The following CECR2 variants were observed in gnomAD, a reference collection of about 807,000 sequenced individuals.
CECR2 encodes the protein CECR2 histone acetyl-lysine reader.
Under a neutral mutation model 154.5 loss-of-function variants are expected in CECR2, and 30 were observed. The ratio of observed to expected loss-of-function variants is 0.19; its 90% confidence interval spans 0.15 to 0.26. CECR2 has a LOEUF of 0.26. Among genes scored for constraint, CECR2 ranks in the 10% least tolerant of loss-of-function variants. The probability of loss-of-function intolerance (pLI) is 1.00; values close to 1 mark genes in which losing one functional copy is unlikely to be tolerated. For missense variants in CECR2, 1,743 were observed against 1,829.3 expected (o/e 0.95, Z 0.86); for synonymous variants, 725 against 683.7 (o/e 1.06, Z -0.94).
At chr22:17,515,938 G>C (rs2056044699) in intron 8 of CECR2, among the ~76,000 whole-genome samples, 1 of 151,942 alleles carries the variant, frequency 6.6e-6, no homozygotes, top group African/African-American at 2.4e-5. Context: ...GCCTCCCAAA[G>C]TGCTGGGATT....
intron 8 of CECR2, among the ~76,000 whole-genome samples, chr22:17,514,227 G>A (rs115743940): frequency 0.017 from 2,653 of 152,200 alleles, 82 homozygotes; most frequent in African/African-American, 0.061. Context: ...ATTTTTGTCC[G>A]GACACTTTGG....
intron 1 of CECR2, among the ~76,000 whole-genome samples, chr22:17,476,659 G>T (rs1039712285): frequency 6.6e-6 from 1 of 152,176 alleles, no homozygotes; most frequent in Non-Finnish European, 1.5e-5. Flanking sequence ...CAGAAGTTTG[G>T]TTTTTCTGGG....
At chr22:17,513,849 A>G (rs2146932951) in intron 8 of CECR2, among the ~76,000 whole-genome samples, 1 of 152,368 alleles carries the variant, frequency 6.6e-6, no homozygotes, top group African/African-American at 2.4e-5. Context: ...TTCAGACTGC[A>G]TAGCAGGCTG....
rs769927087 is a variant in CECR2, at chr22:17,538,567, C to T, written c.1276+10C>T. 2 of 1,613,742 alleles carry T rather than the reference C, an allele frequency of 1.2e-6. No individual in the cohort carries two copies. The highest frequency in any genetic ancestry group is 2.2e-5 in the South Asian group (2 of 91,080). The stretch of plus-strand genomic sequence containing the variant: ...ACTGCTATGTATAAAGGTTAGTTCC[C>T]ATTCTCCACTGTTCTGTTTGTGATA... On this transcript the variant is annotated intron_variant, in intron 11 of 18. Coordinates refer to ENST00000262608, the MANE Select transcript of CECR2 (RefSeq NM_001290047.2).
intron 1 of CECR2, among the ~76,000 whole-genome samples, chr22:17,450,754 G>A (rs1398294785): frequency 1.3e-5 from 2 of 152,112 alleles, no homozygotes; most frequent in Non-Finnish European, 2.9e-5. Flanking sequence ...TATCATAAAT[G>A]GCATCTTTCA....
chr22:17,549,394 C>T lies in CECR2; in HGVS notation c.4107C>T (p.Ala1369=). The change falls in exon 17 of 19, where the codon GCC becomes GCT. Residue 1369 remains alanine (A), a synonymous_variant. Transcript: ENST00000262608. The part of the protein sequence containing the change: ...QPRAYSSPVA[A]LPPHHPGATQ... ...GGGCTTACTCTTCCCCTGTGGCTGCCCTCCCACCTCACCACCCAGGGGCCA... is the reference window on the plus strand; with the variant it reads ...GGGCTTACTCTTCCCCTGTGGCTGCTCTCCCACCTCACCACCCAGGGGCCA... The T allele has an allele frequency of 6.2e-7, 1 of 1,613,876 alleles. No individual in the cohort carries two copies.
At chr22:17,547,346 C>T (rs1393784564) in intron 16 of CECR2, among the ~76,000 whole-genome samples, 1 of 151,914 alleles carries the variant, frequency 6.6e-6, no homozygotes, top group Non-Finnish European at 1.5e-5. Flanking sequence ...TCTCCTGCCT[C>T]AGCCTCCCGA....
chr22:17,404,208 G>A (rs2053939892), intron 1 of CECR2, among the ~76,000 whole-genome samples: 1 of 145,850 alleles, frequency 6.9e-6, no homozygotes, highest in African/African-American at 2.5e-5. Flanking sequence ...GCAGTGAGCC[G>A]AGATCGTGCC....
At chr22:17,530,728 G>C (rs927793431) in intron 9 of CECR2, among the ~76,000 whole-genome samples, 1 of 151,906 alleles carries the variant, frequency 6.6e-6, no homozygotes, top group African/African-American at 2.4e-5. Context: ...AAACAGCCAA[G>C]TGTCCACCAG....
intron 1 of CECR2, among the ~76,000 whole-genome samples, chr22:17,415,983 C>A (rs1175852918): frequency 3.3e-5 from 5 of 152,168 alleles, no homozygotes; most frequent in Non-Finnish European, 4.4e-5. Context: ...CCAGTACACT[C>A]ACGATTTCTG....
Position 17,460,462 on chromosome 22 carries a change from G to A in CECR2, c.127-17126G>A, listed in dbSNP as rs146825338. On this transcript the variant is annotated intron_variant, in intron 1 of 18. Coordinates refer to ENST00000262608, the MANE Select transcript of CECR2 (RefSeq NM_001290047.2). ...TGACCTCAGGTGATCCGCCCGTCTC[G>A]GCCTCCCAAAGTGCAGGGATTGCAG... Among the ~76,000 whole-genome samples the A allele has an allele frequency of 7.4e-3, 1,131 of 152,262 alleles. 5 individuals carry two copies. The highest frequency in any genetic ancestry group is 0.041 in the Middle Eastern group (12 of 294).
intron 2 of CECR2, among the ~76,000 whole-genome samples, chr22:17,483,926 G>A (rs982327036): frequency 6.6e-6 from 1 of 152,160 alleles, no homozygotes; most frequent in Non-Finnish European, 1.5e-5. Context: ...TTTGTACCAT[G>A]TCCTTACTAT....
At chr22:17,535,447 C>G (rs933236356) in intron 9 of CECR2, among the ~76,000 whole-genome samples, 2 of 152,140 alleles carry the variant, frequency 1.3e-5, no homozygotes, top group Non-Finnish European at 2.9e-5. Flanking sequence ...CTTAGAGAAT[C>G]CTTACACACA....
intron 1 of CECR2, among the ~76,000 whole-genome samples, chr22:17,375,896 G>T (rs1192553255): frequency 1.3e-5 from 2 of 151,688 alleles, no homozygotes; most frequent in East Asian, 1.9e-4. Context: ...CGGAGGTTGC[G>T]GTGAGCTGAG....
At chr22:17,364,818 T>G (rs1334869640), upstream of CECR2, among the ~76,000 whole-genome samples, 1 of 143,532 alleles carries the variant, frequency 7.0e-6, no homozygotes, top group South Asian at 2.2e-4. Flanking sequence ...CAGAGGGAGA[T>G]TCCGTCTCAA....
At chr22:17,477,096 A>G (rs1162460572) in intron 1 of CECR2, 2 of 720,944 alleles carry the variant, frequency 2.8e-6, no homozygotes, top group Non-Finnish European at 5.2e-6. Context: ...TCACTTACTA[A>G]CAAATGCCAT....
chr22:17,370,352 C>G (rs1268475580), intron 1 of CECR2, among the ~76,000 whole-genome samples: 1 of 148,446 alleles, frequency 6.7e-6, no homozygotes, highest in African/African-American at 2.5e-5. Flanking sequence ...TAACTCGGAC[C>G]GGGGCGGGAG....
intron 16 of CECR2, among the ~76,000 whole-genome samples, chr22:17,546,957 T>G (rs555224536): frequency 6.8e-6 from 1 of 147,266 alleles, no homozygotes; most frequent in East Asian, 2.0e-4. Flanking sequence ...GAGAGTCACT[T>G]GAACCCAGGA....
rs556181123 is a variant in CECR2 at position 17,414,103 on chromosome 22, G to C, written c.126+44194G>C. Among the ~76,000 whole-genome samples the C allele has an allele frequency of 2.6e-5, 4 of 152,124 alleles. No individual in the cohort carries two copies. The South Asian group carries it at 6.2e-4, about 24-fold the overall frequency. On this transcript the variant is annotated intron_variant, in intron 1 of 18. Transcript: ENST00000262608. ...TTCTCCTGCCTCAGCCTTCTGAGTA[G>C]CTGGGACTACAGGTGCCTGCCACCA...
Sources: gnomAD v4.1 joint callset for allele counts (sites outside exome capture counted in the v4.1 genomes callset) on GRCh38, gnomAD v4.1.1 for gene constraint, MANE v1.5 for transcripts, NCBI Gene and HGNC (gene_info 2026-07-23, HGNC 2026-07-21) for gene names.